TUBGCP5: variants seen among roughly 807,000 people sequenced by gnomAD.
TUBGCP5 encodes tubulin gamma complex component 5, also known as gamma-tubulin complex component 5.
TUBGCP5 carries 98 observed loss-of-function variants against 134.7 expected under a neutral mutation model. The observed-to-expected ratio is 0.73, with a 90% CI of 0.62 to 0.86. The LOEUF (loss-of-function observed/expected upper bound fraction) is 0.86. TUBGCP5 is among the 40% of genes least tolerant of loss of function. The pLI is 0.00. For synonymous variants in TUBGCP5, 456 were observed against 431.4 expected (o/e 1.06, Z -0.71); for missense variants, 1,150 against 1,244.8 (o/e 0.92, Z 1.15).
chr15:23,021,935 A>T (rs1212621586), intron 11 of TUBGCP5, 24 bp downstream of exon 11: 1 of 1,611,722 alleles, frequency 6.2e-7, no homozygotes. Context: ...GGAGTCACAC[A>T]CTTTAGGCAG....
At chr15:22,991,159 G>A (rs1353563062) in intron 23 of TUBGCP5, among the ~76,000 whole-genome samples, 1 of 151,618 alleles carries the variant, frequency 6.6e-6, no homozygotes, top group Middle Eastern at 3.4e-3. Flanking sequence ...GTGCAGTGGC[G>A]CGATGTCAGC....
intron 13 of TUBGCP5, among the ~76,000 whole-genome samples, chr15:23,014,350 GAGA>G (rs777598518): frequency 2.0e-4 from 30 of 152,212 alleles, no homozygotes; most frequent in African/African-American, 3.1e-4. Flanking sequence ...TCTTTGGTTG[GAGA>G]AGAAGCCCCA....
At position 23,036,183 on chromosome 15, in the gene TUBGCP5, C is replaced by T. The variant is rs113063449; in HGVS notation, c.309+714G>A. Among the ~76,000 whole-genome samples the T allele has an allele frequency of 7.0e-3, 1,066 of 152,248 alleles. 5 individuals are homozygous for T. The highest frequency in any genetic ancestry group is 0.023 in the African/African-American group (935 of 41,528). On this transcript the variant is annotated intron_variant, in intron 3 of 22. Transcript: ENST00000615383. Reference sequence around the variant, plus strand: ...CTACAGACTCAGCAGCTAAGGTCAGCCATGTGGGCTCTGCTTGCTTATGTG... The same window carrying T: ...CTACAGACTCAGCAGCTAAGGTCAGTCATGTGGGCTCTGCTTGCTTATGTG...
chr15:23,034,261 G>A (rs937731834), intron 3 of TUBGCP5, among the ~76,000 whole-genome samples: 20 of 152,122 alleles, frequency 1.3e-4, no homozygotes, highest in African/African-American at 4.8e-4. Flanking sequence ...CCAGAGTCCT[G>A]GGCTCAGGTG....
chr15:23,032,732 T>A lies in TUBGCP5; in HGVS notation c.402A>T (p.Glu134Asp). 1 of 1,574,686 alleles carries A rather than the reference T, an allele frequency of 6.4e-7. No homozygotes were observed. The highest frequency in any genetic ancestry group is 1.2e-5 in the South Asian group (1 of 83,764). ...SSYVETPRNK[E>D]VEKKDDFDWG... The stretch of plus-strand genomic sequence containing the variant: ...TTAAGGAATCTAGTAACATACCCAC[T>A]TCTTTATTTCTTGGTGTCTCCACAT... Residue 134 changes from glutamate (E) to aspartate (D), a missense_variant, in exon 4 of 23, where the codon GAA becomes GAT. Around this residue, in one of 2 missense-constraint regions of TUBGCP5, gnomAD observed 453 missense variants for 394.7 expected, o/e 1.15. Transcript: ENST00000615383.
In TUBGCP5 at chr15:22,999,767, G is replaced by A; in HGVS notation, c.*53C>T. 9.0e-6 allele frequency: 14 copies of A among 1,557,208 alleles called. No homozygotes were observed. The South Asian group carries it at 1.2e-4, about 14-fold the overall frequency. On this transcript the variant is annotated 3_prime_UTR_variant, in exon 23 of 23. Coordinates refer to ENST00000615383, the MANE Select transcript of TUBGCP5 (RefSeq NM_052903.6). The stretch of plus-strand genomic sequence containing the variant: ...TTTCACTTTTCAGCTGCACATGGTG[G>A]AAATGTACATGTATGATGACAAAGT...
At chr15:23,007,996 C>G (rs749407395) in intron 16 of TUBGCP5, among the ~76,000 whole-genome samples, 1 of 152,118 alleles carries the variant, frequency 6.6e-6, no homozygotes. Context: ...TGTGTGGGAG[C>G]TCAGGGAGAG....
intron 19 of TUBGCP5, chr15:23,004,468 G>A (rs113024674): frequency 0.079 from 35,688 of 451,754 alleles, 1,689 homozygotes; most frequent in Middle Eastern, 0.13. Context: ...ATGAATGAAC[G>A]CCAAACTCTG....
chr15:22,989,557 A>G (rs192147300), intron 23 of TUBGCP5, among the ~76,000 whole-genome samples: 1 of 152,308 alleles, frequency 6.6e-6, no homozygotes, highest in African/African-American at 2.4e-5. Context: ...TTATTTATTT[A>G]TCTAGAGACA....
chr15:23,008,975 G>A, intron 15 of TUBGCP5, 94 bp from the exon 16 acceptor site: 1 of 998,206 alleles, frequency 1.0e-6, no homozygotes. Context: ...GTTTTTAGTG[G>A]AACAAGTTTA....
In TUBGCP5 at chr15:23,005,295, T is replaced by G. The variant is rs184350768; in HGVS notation, c.2712+137A>C. 3.0e-5 allele frequency: 30 copies of G among 983,934 alleles called. 1 individual carries two copies. The Admixed American group carries it at 7.6e-4, about 25-fold the overall frequency. The allele number at this position is 983,934 out of a possible 1,614,324, so 61.0% of individuals were successfully genotyped here. A position where few individuals can be genotyped will look rare whatever the true frequency, so the allele number is the denominator to read the frequency against. ...ACATTCCTCCCACTGCCATGTTATT[T>G]TATGATCAAATTTGCTACATGTCCC... On this transcript the variant is annotated intron_variant, in intron 19 of 22. Coordinates refer to ENST00000615383, the MANE Select transcript of TUBGCP5 (RefSeq NM_052903.6).
At position 23,037,116 on chromosome 15, in the gene TUBGCP5, T is replaced by C; in HGVS notation, c.183A>G (p.Ile61Met). ...HRFLDVNSHK[I>M]EKTIEGIYEK... is the part of the protein sequence containing the mutation. Reference sequence around the variant, plus strand: ...TGACTTACCCTTCGATTGTTTTTTCTATTTTGTGGCTGTTGACATCCAAGA... The same window carrying C: ...TGACTTACCCTTCGATTGTTTTTTCCATTTTGTGGCTGTTGACATCCAAGA... The change falls in exon 2 of 23, where the codon ATA becomes ATG. Residue 61 changes from isoleucine to methionine, a missense_variant. Physicochemically the swap from Ile to Met is conservative, Grantham distance 10. Around this residue, in one of 2 missense-constraint regions of TUBGCP5, gnomAD observed 453 missense variants for 394.7 expected, o/e 1.15. Transcript: ENST00000615383. 1 of 1,613,832 alleles carries C rather than the reference T, an allele frequency of 6.2e-7. No homozygotes were observed. Among genetic ancestry groups the C allele is most frequent in the Non-Finnish European group, 8.5e-7 (1 of 1,179,976 alleles).
intron 6 of TUBGCP5, among the ~76,000 whole-genome samples, chr15:23,029,357 G>C (rs1314224103): frequency 6.6e-6 from 1 of 152,154 alleles, no homozygotes; most frequent in Non-Finnish European, 1.5e-5. Flanking sequence ...AGGTAGCTGG[G>C]ATTACAGGCA....
Position 23,001,918 on chromosome 15 carries a change from A to G in TUBGCP5, c.2927+1147T>C, listed in dbSNP as rs77442653. Among the ~76,000 whole-genome samples the G allele has an allele frequency of 2.1e-3, 322 of 152,290 alleles. 1 individual carries two copies. Among genetic ancestry groups the G allele is most frequent in the African/African-American group, 7.2e-3 (299 of 41,552 alleles). On this transcript the variant is annotated intron_variant, in intron 21 of 22. Transcript: ENST00000615383. ...TTGCTCAAAAATATCATCTAATAGC[A>G]TTCAAGCAAATTTCACATTGCTTCT...
rs2066625052 is a variant in TUBGCP5, at chr15:23,036,964, G to T, written c.242C>A (p.Ala81Asp). The T allele has an allele frequency of 1.9e-6, 3 of 1,612,190 alleles. No homozygotes were observed. Among genetic ancestry groups the T allele is most frequent in the Non-Finnish European group, 2.5e-6 (3 of 1,179,340 alleles). ...CTCCGTTAATCTCTTCCAACTAGCA[G>T]CTTTGCTTAGATCAGAATGAATGAC... The part of the protein sequence containing the change: ...KFVIHSDLSK[A>D]ASWKRLTEEF... Residue 81 changes from alanine (A) to aspartate (D), a missense_variant, in exon 3 of 23, where the codon GCT becomes GAT. Coordinates refer to ENST00000615383, the MANE Select transcript of TUBGCP5 (RefSeq NM_052903.6).
intron 6 of TUBGCP5, among the ~76,000 whole-genome samples, chr15:23,028,557 T>C (rs1440665529): frequency 1.3e-5 from 2 of 151,972 alleles, no homozygotes; most frequent in East Asian, 1.9e-4. Context: ...CACGGATAAA[T>C]AGTAGCATTT....
chr15:23,032,457 G>A (rs2066365409), intron 4 of TUBGCP5, among the ~76,000 whole-genome samples: 1 of 152,038 alleles, frequency 6.6e-6, no homozygotes, highest in Non-Finnish European at 1.5e-5. Flanking sequence ...TTTTTTAAAA[G>A]ATTGTATTAT....
downstream of TUBGCP5, among the ~76,000 whole-genome samples, chr15:22,998,989 G>T (rs1307699782): frequency 6.6e-6 from 1 of 152,078 alleles, no homozygotes; most frequent in African/African-American, 2.4e-5. Flanking sequence ...TAAACTGCTG[G>T]CCTCAAGGAA....
chr15:22,985,676 G>T (rs2063655982), intron 23 of TUBGCP5, among the ~76,000 whole-genome samples: 1 of 152,032 alleles, frequency 6.6e-6, no homozygotes, highest in Non-Finnish European at 1.5e-5. Flanking sequence ...TTGTTCTTGT[G>T]TTTTTCTATT....
Sources: allele counts gnomAD v4.1 joint callset (sites outside exome capture counted in the v4.1 genomes callset), GRCh38; gene constraint gnomAD v4.1.1; regional missense constraint gnomAD v4.1.1; transcripts MANE v1.5; gene names NCBI Gene and HGNC (gene_info 2026-07-23, HGNC 2026-07-21).